MAPK10: variants seen among roughly 807,000 people sequenced by gnomAD.
The protein encoded by MAPK10 is mitogen-activated protein kinase 10, also known as JNK3 alpha protein kinase.
In MAPK10, 25 loss-of-function variants were observed where a neutral mutation model predicts 59.3. That is an observed-to-expected ratio of 0.42 (90% CI 0.31 to 0.59). The LOEUF is 0.59. MAPK10 is among the 20% of genes least tolerant of loss of function. The pLI is 0.15. For synonymous variants in MAPK10, 190 were observed against 200.5 expected (o/e 0.95, Z 0.44); for missense variants, 351 against 568.9 (o/e 0.62, Z 3.90).
At chr4:86,057,594 C>A (rs571827524) in intron 11 of MAPK10, among the ~76,000 whole-genome samples, 3 of 149,830 alleles carry the variant, frequency 2.0e-5, no homozygotes, top group African/African-American at 7.5e-5. Flanking sequence ...AAAGCAGGGA[C>A]CTGTTTTTTT....
At chr4:86,337,954 T>G (rs940764244) in intron 2 of MAPK10, among the ~76,000 whole-genome samples, 4 of 152,216 alleles carry the variant, frequency 2.6e-5, no homozygotes, top group Admixed American at 6.5e-5. Context: ...TCTACTTTCC[T>G]TAAGATATAA....
Position 86,468,582 on chromosome 4 carries a change from G to A in MAPK10, c.-262-113938C>T, listed in dbSNP as rs139956660. ...TGAAAATAACAAAGCAGTTGGGCAT[G>A]GTGGCTCACACCTGTAATCCCAGCA... is the stretch of plus-strand genomic sequence containing the variant. On this transcript the variant is annotated intron_variant, in intron 1 of 4. Transcript: ENST00000502302. Among the ~76,000 whole-genome samples, 898 of 152,268 alleles carry A rather than the reference G, an allele frequency of 5.9e-3. 7 individuals are homozygous for A. The highest frequency in any genetic ancestry group is 0.019 in the African/African-American group (802 of 41,558).
At chr4:86,163,586 C>G (rs901389600) in intron 3 of MAPK10, among the ~76,000 whole-genome samples, 2 of 152,080 alleles carry the variant, frequency 1.3e-5, no homozygotes, top group Non-Finnish European at 2.9e-5. Context: ...ACTTGGTCTA[C>G]AGCAGAGATT....
intron 9 of MAPK10, among the ~76,000 whole-genome samples, chr4:86,097,165 T>C (rs2054388708): frequency 6.6e-6 from 1 of 152,046 alleles, no homozygotes; most frequent in African/African-American, 2.4e-5. Flanking sequence ...AAATCTGGTA[T>C]GCATTTTACA....
Position 86,243,292 on chromosome 4 carries a change from C to T in MAPK10, c.-6-48885G>A, listed in dbSNP as rs568486440. On this transcript the variant is annotated intron_variant, in intron 2 of 13. Transcript: ENST00000641462. ...TACATCAGATGTTGAGTTTGAGGTGCCTAGAAGCCTTAATTGTGGAGATAC... is the reference window on the plus strand; with the variant it reads ...TACATCAGATGTTGAGTTTGAGGTGTCTAGAAGCCTTAATTGTGGAGATAC... Among the ~76,000 whole-genome samples, 114 of 152,288 alleles carry T rather than the reference C, an allele frequency of 7.5e-4. 2 individuals are homozygous for T. Among genetic ancestry groups the T allele is most frequent in the Admixed American group, 4.6e-3 (71 of 15,296 alleles).
chr4:86,306,215 T>C (rs1564194006), intron 2 of MAPK10, among the ~76,000 whole-genome samples: 1 of 152,216 alleles, frequency 6.6e-6, no homozygotes, highest in Non-Finnish European at 1.5e-5. Flanking sequence ...TAAAAAACTA[T>C]ATGTTTTAAA....
chr4:86,391,930 A>T (rs1322885261), intron 1 of MAPK10, among the ~76,000 whole-genome samples: 2 of 152,194 alleles, frequency 1.3e-5, no homozygotes, highest in African/African-American at 2.4e-5. Context: ...CAGGTTTAGC[A>T]GTACATTCCC....
intron 2 of MAPK10, among the ~76,000 whole-genome samples, chr4:86,234,844 G>T (rs996862768): frequency 6.6e-6 from 1 of 152,060 alleles, no homozygotes; most frequent in Non-Finnish European, 1.5e-5. Flanking sequence ...AGACCCTTTC[G>T]GGAAATACAT....
chr4:86,077,629 G>A (rs1006457573), intron 9 of MAPK10, among the ~76,000 whole-genome samples: 1 of 152,030 alleles, frequency 6.6e-6, no homozygotes, highest in African/African-American at 2.4e-5. Context: ...GATTTCCAGA[G>A]CCAACACCTC....
chr4:86,351,396 A>AACACACAC (rs142964843), intron 2 of MAPK10, among the ~76,000 whole-genome samples: 1,780 of 132,512 alleles, frequency 0.013, 17 homozygotes, highest in South Asian at 0.037. Context: ...TGTATACACA[A>AACACACAC]ACACACACAC....
In MAPK10 at chr4:86,477,527, C is replaced by CT. The variant is rs1432553839; in HGVS notation, c.-263+116382dup. Among the ~76,000 whole-genome samples the CT allele has an allele frequency of 3.5e-4, 53 of 152,194 alleles. 1 individual carries two copies. Among genetic ancestry groups the CT allele is most frequent in the African/African-American group, 1.2e-3 (50 of 41,508 alleles). On this transcript the variant is annotated intron_variant, in intron 1 of 4. Coordinates refer to the MAPK10 transcript ENST00000502302. ...CTCCTTGGTGACCGATCATGTACCC[C>CT]TACCATCTCATTACAACCTAATCAC...
At chr4:86,104,219 T>C (rs1407607471) in intron 5 of MAPK10, among the ~76,000 whole-genome samples, 1 of 152,130 alleles carries the variant, frequency 6.6e-6, no homozygotes, top group African/African-American at 2.4e-5. Flanking sequence ...GAATGTTTTA[T>C]GTCTCACGTA....
intron 1 of MAPK10, among the ~76,000 whole-genome samples, chr4:86,476,907 C>T (rs970163656): frequency 6.6e-6 from 1 of 152,150 alleles, no homozygotes; most frequent in Non-Finnish European, 1.5e-5. Flanking sequence ...GCCCACAGCC[C>T]AGGATTCCTC....
chr4:86,018,715 C>G (rs1254032183), intron 13 of MAPK10, among the ~76,000 whole-genome samples: 1 of 152,160 alleles, frequency 6.6e-6, no homozygotes, highest in Non-Finnish European at 1.5e-5. Context: ...AACACACTTG[C>G]TTTGTGAAAT....
At chr4:86,205,069 A>G (rs1040890016) in intron 2 of MAPK10, among the ~76,000 whole-genome samples, 4 of 152,042 alleles carry the variant, frequency 2.6e-5, no homozygotes, top group African/African-American at 9.6e-5. Context: ...AATTAAAGAA[A>G]AAAATTAAGC....
chr4:86,252,456 C>T (rs1327312161), intron 2 of MAPK10, among the ~76,000 whole-genome samples: 1 of 131,988 alleles, frequency 7.6e-6, no homozygotes, highest in Admixed American at 7.4e-5. Context: ...TTGTTTTTCT[C>T]AGGTTTGTCA....
At chr4:86,124,151 A>G (rs1377458926) in intron 4 of MAPK10, 1 of 151,988 alleles carries the variant, frequency 6.6e-6, no homozygotes, top group South Asian at 2.1e-4. Flanking sequence ...ACATAATTAC[A>G]CTAAAAACAG....
intron 2 of MAPK10, among the ~76,000 whole-genome samples, chr4:86,231,520 G>A (rs576403394): frequency 1.2e-4 from 19 of 152,016 alleles, no homozygotes; most frequent in African/African-American, 3.9e-4. Flanking sequence ...AAAATTAGCC[G>A]GGCATGGTGG....
intron 9 of MAPK10, among the ~76,000 whole-genome samples, chr4:86,071,321 A>G (rs2047906657): frequency 7.8e-6 from 1 of 128,304 alleles, no homozygotes. Flanking sequence ...GGTTGCGAAC[A>G]TTTTCTCCCA....
Sources: allele counts gnomAD v4.1 joint callset (sites outside exome capture counted in the v4.1 genomes callset), GRCh38; gene constraint gnomAD v4.1.1; transcripts MANE v1.5; gene names NCBI Gene and HGNC (gene_info 2026-07-23, HGNC 2026-07-21).